Variants in NRXN1 observed in about 807,000 individuals in gnomAD.
The protein encoded by NRXN1 is neurexin 1.
Under a neutral mutation model 150.9 loss-of-function variants are expected in NRXN1, and 39 were observed. The ratio of observed to expected loss-of-function variants is 0.26; its 90% confidence interval spans 0.20 to 0.34. The LOEUF is 0.34. Among genes scored for constraint, NRXN1 ranks in the 10% least tolerant of loss-of-function variants. The probability of loss-of-function intolerance (pLI) is 1.00; values close to 1 mark genes in which losing one functional copy is unlikely to be tolerated. For synonymous variants in NRXN1, 924 were observed against 757.0 expected (o/e 1.22, Z -3.62); for missense variants, 1,815 against 1,949.9 (o/e 0.93, Z 1.30).
rs577229986 is a variant in NRXN1, at chr2:51,015,667, T to A, written c.772+11835A>T. Among the ~76,000 whole-genome samples, 65 of 151,742 alleles carry A rather than the reference T, an allele frequency of 4.3e-4. 1 individual carries two copies. The highest frequency in any genetic ancestry group is 1.5e-3 in the African/African-American group (63 of 41,392). ...GGATAAACTTCAAGTGAAAAAAAAA[T>A]ATTTAAATATCATTTGAAGTCAAAA... On this transcript the variant is annotated intron_variant, in intron 2 of 22. Coordinates refer to ENST00000401669, the MANE Select transcript of NRXN1 (RefSeq NM_001330078.2).
chr2:50,623,530 A>G lies in NRXN1; in HGVS notation c.918T>C (p.Asp306=), dbSNP rs763730632. 6.2e-7 allele frequency: 1 copy of G among 1,613,186 alleles called. No homozygotes were observed. Among genetic ancestry groups the G allele is most frequent in the African/African-American group, 1.3e-5 (1 of 74,884 alleles). ...LSQNPIQSSS[D]EITLSFKTLQ... is the part of the protein sequence containing the mutation. ...GGGTTTTAAATGACAGAGTTATTTC[A>G]TCACTGCTGCTTTGAATGGGGTTTT... Residue 306 remains aspartate (D), a synonymous_variant, in exon 6 of 23, where the codon GAT becomes GAC. Transcript: ENST00000401669.
At chr2:50,127,028 T>A (rs997661070) in intron 18 of NRXN1, among the ~76,000 whole-genome samples, 4 of 152,122 alleles carry the variant, frequency 2.6e-5, no homozygotes, top group African/African-American at 7.2e-5. Context: ...CTCATGAACA[T>A]CCTCTTTGTG....
chr2:50,890,845 T>C (rs1198679887), intron 5 of NRXN1, among the ~76,000 whole-genome samples: 1 of 151,972 alleles, frequency 6.6e-6, no homozygotes, highest in African/African-American at 2.4e-5. Context: ...TATTGTATTA[T>C]GCACAAAACA....
intron 21 of NRXN1, among the ~76,000 whole-genome samples, chr2:49,993,360 A>C (rs990489719): frequency 1.3e-5 from 2 of 152,240 alleles, no homozygotes; most frequent in Admixed American, 1.3e-4. Flanking sequence ...TAGAAGAAGC[A>C]AAACTACAGA....
intron 17 of NRXN1, among the ~76,000 whole-genome samples, chr2:50,333,374 G>T (rs1018889480): frequency 6.6e-6 from 1 of 151,996 alleles, no homozygotes; most frequent in African/African-American, 2.4e-5. Context: ...GATTTCATAT[G>T]AAATAAAAAG....
At position 50,346,342 on chromosome 2, in the gene NRXN1, C is replaced by G. The variant is rs528980766; in HGVS notation, c.3365-109372G>C. Among the ~76,000 whole-genome samples the G allele has an allele frequency of 6.6e-6, 1 of 152,148 alleles. No homozygotes were observed. The highest frequency in any genetic ancestry group is 2.4e-5 in the African/African-American group (1 of 41,452). Reference sequence around the variant, plus strand: ...CTGGTGCTCAGGTCCCTTAGCTGAGCGCGGCGCCCCATCCGGCCACTGAGT... The same window carrying G: ...CTGGTGCTCAGGTCCCTTAGCTGAGGGCGGCGCCCCATCCGGCCACTGAGT... On this transcript the variant is annotated intron_variant, in intron 17 of 22. Transcript: ENST00000401669. This position sits in a 1 kb window ranked among gnomAD's most constrained non-coding sequence, Gnocchi z 5.0.
At chr2:50,527,929 G>C (rs741352) in intron 12 of NRXN1, among the ~76,000 whole-genome samples, 42,406 of 152,114 alleles carry the variant, frequency 0.28, 6,998 homozygotes, top group South Asian at 0.38. Context: ...TTTATGTACA[G>C]AAATAAATAA....
intron 2 of NRXN1, among the ~76,000 whole-genome samples, chr2:50,997,498 G>T (rs780747751): frequency 1.5e-4 from 16 of 108,674 alleles, no homozygotes; most frequent in South Asian, 3.0e-4. Flanking sequence ...ATATTTGAAG[G>T]GGAAAACATT....
intron 17 of NRXN1, among the ~76,000 whole-genome samples, chr2:50,387,232 A>T (rs1280684161): frequency 6.6e-6 from 1 of 152,188 alleles, no homozygotes; most frequent in Non-Finnish European, 1.5e-5. Context: ...AGTTTCCTTT[A>T]AGTAAAGCTA....
chr2:50,683,521 A>G (rs1690728918), intron 5 of NRXN1, among the ~76,000 whole-genome samples: 2 of 147,162 alleles, frequency 1.4e-5, no homozygotes, highest in South Asian at 4.4e-4. Flanking sequence ...AGTCCTAGCT[A>G]CTCAGGAGGC....
chr2:50,379,396 T>A (rs555320609), intron 17 of NRXN1, among the ~76,000 whole-genome samples: 1 of 152,240 alleles, frequency 6.6e-6, no homozygotes, highest in African/African-American at 2.4e-5. Context: ...ATAATAACAG[T>A]GAAACAGACA....
chr2:50,033,886 T>C (rs1689570470), intron 21 of NRXN1, among the ~76,000 whole-genome samples: 1 of 151,282 alleles, frequency 6.6e-6, no homozygotes, highest in African/African-American at 2.4e-5. Context: ...ACGCTCAGCA[T>C]CATTGATCGT....
intron 22 of NRXN1, 68 bp downstream of exon 22, chr2:49,943,636 C>A: frequency 2.8e-6 from 3 of 1,067,662 alleles, no homozygotes; most frequent in Non-Finnish European, 4.3e-6. Flanking sequence ...TAAGGCCCTT[C>A]TAAGGAATAT....
chr2:50,657,438 A>AT (rs561706402), intron 5 of NRXN1, among the ~76,000 whole-genome samples: 86 of 152,004 alleles, frequency 5.7e-4, no homozygotes, highest in African/African-American at 2.0e-3. Flanking sequence ...ATGTTTAAAT[A>AT]TTTTTTCGTC....
At position 50,262,952 on chromosome 2, in the gene NRXN1, A is replaced by T. The variant is rs1207314519; in HGVS notation, c.3365-25982T>A. On this transcript the variant is annotated intron_variant, in intron 17 of 22. Transcript: ENST00000401669. ...AGATACCCAGTTAAATAATCCTATTACTCATTCCCTGGTAGATTAATACCT... is the reference window on the plus strand; with the variant it reads ...AGATACCCAGTTAAATAATCCTATTTCTCATTCCCTGGTAGATTAATACCT... Among the ~76,000 whole-genome samples, 4 of 151,994 alleles carry T rather than the reference A, an allele frequency of 2.6e-5. No individual in the cohort carries two copies. In the South Asian group the frequency reaches 6.2e-4, roughly 24 times the overall value.
chr2:50,375,667 T>C (rs1215085437), intron 17 of NRXN1, among the ~76,000 whole-genome samples: 1 of 151,254 alleles, frequency 6.6e-6, no homozygotes, highest in Non-Finnish European at 1.5e-5. Flanking sequence ...CTATTACTAT[T>C]GCAATAGCAA....
At chr2:51,009,691 G>C (rs565723641) in intron 2 of NRXN1, among the ~76,000 whole-genome samples, 8 of 152,058 alleles carry the variant, frequency 5.3e-5, no homozygotes, top group African/African-American at 1.9e-4. Flanking sequence ...TTGAAAGAAT[G>C]ATAATATACC....
intron 9 of NRXN1, among the ~76,000 whole-genome samples, chr2:50,546,693 T>G (rs1316641747): frequency 6.6e-6 from 1 of 152,208 alleles, no homozygotes; most frequent in Non-Finnish European, 1.5e-5. Context: ...ATAAACATTT[T>G]AATAAAACTT....
chr2:50,985,309 T>C (rs556385056), intron 2 of NRXN1: 4 of 152,004 alleles, frequency 2.6e-5, no homozygotes. Flanking sequence ...AAAAGAGCTA[T>C]GCCAATTTCC....
Sources: gnomAD v4.1 joint callset for allele counts (sites outside exome capture counted in the v4.1 genomes callset) on GRCh38, gnomAD v4.1.1 for gene constraint, Gnocchi (gnomAD v3.1) non-coding constraint, MANE v1.5 for transcripts, NCBI Gene and HGNC (gene_info 2026-07-23, HGNC 2026-07-21) for gene names.